Variants in GRID1 observed in about 807,000 individuals in gnomAD.
The protein encoded by GRID1 is glutamate ionotropic receptor delta type subunit 1.
A neutral mutation model predicts 98.0 loss-of-function variants in GRID1; 28 were observed. That is an observed-to-expected ratio of 0.29 (90% confidence interval 0.21 to 0.39). The LOEUF is 0.39. Among genes scored for constraint, GRID1 ranks in the 10% least tolerant of loss-of-function variants. GRID1 has a pLI of 1.00. For synonymous variants in GRID1, 553 were observed against 538.5 expected, an observed-to-expected ratio of 1.03 and a Z score of -0.37; for missense variants, 1,111 against 1,340.5, an observed-to-expected ratio of 0.83 and a Z score of 2.67.
intron 2 of GRID1, among the ~76,000 whole-genome samples, chr10:86,337,391 C>T (rs570116658): frequency 6.6e-6 from 1 of 152,304 alleles, no homozygotes; most frequent in African/African-American, 2.4e-5. Context: ...CCCGGGCCTT[C>T]CCACAGGGAC....
chr10:85,632,215 G>A (rs943763785), intron 13 of GRID1, among the ~76,000 whole-genome samples: 1 of 152,200 alleles, frequency 6.6e-6, no homozygotes, highest in Non-Finnish European at 1.5e-5. Flanking sequence ...CTCCAGGTCT[G>A]CCCTCCACCC....
At chr10:86,005,835 C>G (rs552783903) in intron 4 of GRID1, among the ~76,000 whole-genome samples, 1 of 152,292 alleles carries the variant, frequency 6.6e-6, no homozygotes, top group South Asian at 2.1e-4. Flanking sequence ...AACACAGGCC[C>G]TATCTGGTCT....
At chr10:85,847,203 C>G (rs1364011340) in intron 8 of GRID1, among the ~76,000 whole-genome samples, 1 of 152,228 alleles carries the variant, frequency 6.6e-6, no homozygotes, top group African/African-American at 2.4e-5. Context: ...TACTCTTCTT[C>G]TACTTACTGC....
chr10:86,225,236 G>C (rs897069893), intron 2 of GRID1, among the ~76,000 whole-genome samples: 51 of 152,190 alleles, frequency 3.4e-4, no homozygotes, highest in African/African-American at 1.1e-3. Flanking sequence ...AGGAGCCCGA[G>C]GTAAACCACA....
intron 12 of GRID1, among the ~76,000 whole-genome samples, chr10:85,683,267 C>T (rs1841231435): frequency 6.6e-6 from 1 of 152,146 alleles, no homozygotes; most frequent in Non-Finnish European, 1.5e-5. Flanking sequence ...TTATCTCTTA[C>T]AGGTGGTTTG....
chr10:85,869,676 A>G (rs145739056), intron 5 of GRID1, among the ~76,000 whole-genome samples: 11 of 152,310 alleles, frequency 7.2e-5, no homozygotes, highest in African/African-American at 2.6e-4. Context: ...TTTATTCACT[A>G]TTCATTCCAC....
At chr10:85,877,887 A>G (rs1245284497) in intron 5 of GRID1, among the ~76,000 whole-genome samples, 1 of 152,222 alleles carries the variant, frequency 6.6e-6, no homozygotes, top group Non-Finnish European at 1.5e-5. Flanking sequence ...AATTAGACAA[A>G]TGGATAACTA....
chr10:86,039,918 A>G (rs1843321818), intron 4 of GRID1, among the ~76,000 whole-genome samples: 1 of 152,210 alleles, frequency 6.6e-6, no homozygotes, highest in Non-Finnish European at 1.5e-5. Flanking sequence ...GTGTGACAGG[A>G]AAAGACTAGC....
chr10:85,621,539 G>C (rs1842859862), intron 13 of GRID1, among the ~76,000 whole-genome samples: 1 of 152,170 alleles, frequency 6.6e-6, no homozygotes, highest in South Asian at 2.1e-4. Context: ...TTTGTGGGCA[G>C]AGTGTGACCT....
rs148288235 is a variant in GRID1, at chr10:85,701,585, G to C, written c.1997+21418C>G. ...TACTCACAAGCCCAGGTTAAGACTT[G>C]AAAGGGTGATTCTAACTGCATCCAG... On this transcript the variant is annotated intron_variant, in intron 12 of 15. Transcript: ENST00000327946. Among the ~76,000 whole-genome samples the C allele has an allele frequency of 6.0e-3, 908 of 152,234 alleles. 39 individuals carry two copies. The highest frequency in any genetic ancestry group is 0.055 in the Admixed American group (845 of 15,276).
intron 4 of GRID1, among the ~76,000 whole-genome samples, chr10:86,121,670 G>C (rs1242701034): frequency 7.1e-6 from 1 of 140,916 alleles, no homozygotes; most frequent in Non-Finnish European, 1.6e-5. Context: ...AATAATACCA[G>C]GGACATTTAC....
intron 8 of GRID1, among the ~76,000 whole-genome samples, chr10:85,811,966 G>C (rs1366680191): frequency 1.3e-5 from 2 of 152,122 alleles, no homozygotes; most frequent in Non-Finnish European, 2.9e-5. Context: ...AAAACAGCAA[G>C]TCAGGTATAA....
At chr10:86,308,327 C>T (rs1201958853) in intron 2 of GRID1, among the ~76,000 whole-genome samples, 11 of 152,254 alleles carry the variant, frequency 7.2e-5, no homozygotes, top group African/African-American at 2.7e-4. Flanking sequence ...GGATGAGGCC[C>T]TAGCCCCTGG....
At chr10:86,214,775 A>G (rs999735674) in intron 2 of GRID1, among the ~76,000 whole-genome samples, 2 of 152,208 alleles carry the variant, frequency 1.3e-5, no homozygotes, top group Non-Finnish European at 2.9e-5. Flanking sequence ...AGCCCAAGGT[A>G]TGGGAATTGC....
At chr10:85,727,680 C>T (rs538074075) in intron 10 of GRID1, among the ~76,000 whole-genome samples, 175 bp downstream of exon 10, 19 of 152,096 alleles carry the variant, frequency 1.2e-4, no homozygotes, top group South Asian at 2.1e-4. Flanking sequence ...GATACAAGAG[C>T]AGAAATGGAT....
chr10:85,736,253 A>G (rs1348745013), intron 8 of GRID1, among the ~76,000 whole-genome samples: 1 of 146,186 alleles, frequency 6.8e-6, no homozygotes, highest in Non-Finnish European at 1.5e-5. Flanking sequence ...GGAAGGAGAG[A>G]AGGAAGGAAG....
chr10:85,697,584 T>C (rs1472406307), intron 12 of GRID1, among the ~76,000 whole-genome samples: 1 of 152,188 alleles, frequency 6.6e-6, no homozygotes, highest in Non-Finnish European at 1.5e-5. Flanking sequence ...TCCTTTATCA[T>C]AACAGGGAAG....
chr10:86,050,885 GA>G (rs1843492090), intron 4 of GRID1, among the ~76,000 whole-genome samples: 3 of 141,362 alleles, frequency 2.1e-5, no homozygotes, highest in South Asian at 4.4e-4. Context: ...CAAGAACCAG[GA>G]AAAAAAGTTA....
chr10:85,929,588 T>C (rs1233724538), intron 4 of GRID1, among the ~76,000 whole-genome samples: 3 of 152,220 alleles, frequency 2.0e-5, no homozygotes, highest in Admixed American at 6.5e-5. Context: ...AAGGGTACAA[T>C]CAAATGTTTT....
Sources: gnomAD v4.1 joint callset for allele counts (sites outside exome capture counted in the v4.1 genomes callset) on GRCh38, gnomAD v4.1.1 for gene constraint, MANE v1.5 for transcripts, NCBI Gene and HGNC (gene_info 2026-07-23, HGNC 2026-07-21) for gene names.